Variants in ZNF148 observed in about 807,000 individuals in gnomAD.
ZNF148 encodes the protein Beta-Enolase Repressor Factor-1.
Under a neutral mutation model 67.7 loss-of-function variants are expected in ZNF148, and 7 were observed. The observed-to-expected ratio is 0.10, with a 90% CI of 0.06 to 0.19. ZNF148 has a LOEUF of 0.19. Among genes scored for constraint, ZNF148 ranks in the 10% least tolerant of loss-of-function variants. The pLI, the probability that ZNF148 is intolerant of heterozygous loss-of-function variation, is 1.00. For missense variants in ZNF148, 583 were observed against 947.1 expected (o/e 0.62, Z 5.05); for synonymous variants, 333 against 330.7 (o/e 1.01, Z -0.08).
intron 1 of ZNF148, among the ~76,000 whole-genome samples, chr3:125,362,614 G>T (rs1942580014): frequency 1.3e-5 from 2 of 151,560 alleles, no homozygotes; most frequent in South Asian, 4.1e-4. Context: ...GAGTGCAGTG[G>T]TTCAATACCA....
chr3:125,256,020 G>A (rs577249350), intron 7 of ZNF148, among the ~76,000 whole-genome samples: 7 of 151,662 alleles, frequency 4.6e-5, no homozygotes, highest in African/African-American at 1.7e-4. Flanking sequence ...GTTCTTTCTC[G>A]TATTTATCTG....
chr3:125,273,357 T>A (rs1579675549), intron 7 of ZNF148, among the ~76,000 whole-genome samples: 1 of 152,226 alleles, frequency 6.6e-6, no homozygotes, highest in East Asian at 1.9e-4. Flanking sequence ...TTCCAGTGTT[T>A]TTATATTTTT....
At chr3:125,277,153 T>C (rs1938119412) in intron 7 of ZNF148, among the ~76,000 whole-genome samples, 1 of 152,230 alleles carries the variant, frequency 6.6e-6, no homozygotes, top group Admixed American at 6.5e-5. Context: ...TTATAAAAGT[T>C]GGTTTTACCG....
chr3:125,226,543 A>C lies in ZNF148; in HGVS notation c.*5798T>G, dbSNP rs1935645074. ...ATGGCAAAGATAACTATATGACAAT[A>C]GTGTTGAAAGCCGTGAAACTCATTA... On this transcript the variant is annotated 3_prime_UTR_variant, in exon 9 of 9. Transcript: ENST00000360647. The C allele has an allele frequency of 6.6e-6, 1 of 152,660 alleles. No homozygotes were observed. Among genetic ancestry groups the C allele is most frequent in the South Asian group, 2.1e-4 (1 of 4,832 alleles). 9.5% of individuals were successfully genotyped at this position (152,660 alleles called of 1,614,324 possible). A position where few individuals can be genotyped will look rare whatever the true frequency, so the allele number is the denominator to read the frequency against.
rs1264430694 is a variant in ZNF148 at position 125,227,561 on chromosome 3, T to C, written c.*4780A>G. 2.0e-5 allele frequency: 3 copies of C among 152,596 alleles called. No homozygotes were observed. The highest frequency in any genetic ancestry group is 4.8e-5 in the African/African-American group (2 of 41,440). 9.5% of individuals were successfully genotyped at this position (152,596 alleles called of 1,614,324 possible). On this transcript the variant is annotated 3_prime_UTR_variant, in exon 9 of 9. Transcript: ENST00000360647. ...AGCACTACACAGTATGCCCTTGAAGTAAAATGAGGTTACCTGCTTTATTTG... is the reference window on the plus strand; with the variant it reads ...AGCACTACACAGTATGCCCTTGAAGCAAAATGAGGTTACCTGCTTTATTTG...
At chr3:125,247,337 T>C (rs995332481) in intron 7 of ZNF148, among the ~76,000 whole-genome samples, 1 of 152,168 alleles carries the variant, frequency 6.6e-6, no homozygotes. Context: ...TTTTTCTGGG[T>C]TTTCTTTTGC....
chr3:125,320,885 C>T (rs926928941), intron 3 of ZNF148, among the ~76,000 whole-genome samples: 1 of 152,086 alleles, frequency 6.6e-6, no homozygotes, highest in Admixed American at 6.5e-5. Flanking sequence ...TGTTTCTAAC[C>T]GTGAGAAATT....
At chr3:125,356,238 T>G (rs896021372) in intron 1 of ZNF148, among the ~76,000 whole-genome samples, 2 of 152,222 alleles carry the variant, frequency 1.3e-5, no homozygotes, top group Admixed American at 6.5e-5. Flanking sequence ...ACGTTCATTT[T>G]TTGGCTCAGC....
chr3:125,365,642 C>T (rs191543471), intron 1 of ZNF148, among the ~76,000 whole-genome samples: 30 of 152,130 alleles, frequency 2.0e-4, no homozygotes, highest in African/African-American at 7.2e-4. Flanking sequence ...CATGGTGAGA[C>T]CACATCTCTA....
At chr3:125,342,174 G>C (rs1023946257) in intron 1 of ZNF148, among the ~76,000 whole-genome samples, 30 of 150,446 alleles carry the variant, frequency 2.0e-4, no homozygotes, top group Admixed American at 1.1e-3. Flanking sequence ...GTTTCATAAA[G>C]AAGGAAGAAA....
At chr3:125,371,990 G>A (rs1942905768) in intron 1 of ZNF148, among the ~76,000 whole-genome samples, 1 of 150,916 alleles carries the variant, frequency 6.6e-6, no homozygotes, top group African/African-American at 2.4e-5. Flanking sequence ...CGTGAACCTG[G>A]GAGGCAGAGC....
At chr3:125,351,552 T>C (rs1942155090) in intron 1 of ZNF148, among the ~76,000 whole-genome samples, 1 of 152,156 alleles carries the variant, frequency 6.6e-6, no homozygotes, top group Non-Finnish European at 1.5e-5. Context: ...TATTATGTAT[T>C]TTTTATTACA....
intron 1 of ZNF148, among the ~76,000 whole-genome samples, chr3:125,336,645 A>AGTTT (rs1463155111): frequency 3.3e-5 from 5 of 150,238 alleles, no homozygotes; most frequent in Admixed American, 1.3e-4. Flanking sequence ...ATAACCAACC[A>AGTTT]ATAAACTCAA....
At chr3:125,279,889 A>G (rs1185272960) in intron 5 of ZNF148, among the ~76,000 whole-genome samples, 2 of 152,150 alleles carry the variant, frequency 1.3e-5, no homozygotes, top group Non-Finnish European at 2.9e-5. Context: ...TATAACCTTG[A>G]TTGTGATGGC....
chr3:125,344,410 A>G (rs1387462653), intron 1 of ZNF148: 2 of 721,302 alleles, frequency 2.8e-6, no homozygotes, highest in Non-Finnish European at 5.1e-6. Context: ...TGGCCTCCTC[A>G]GGGACCCCAT....
At position 125,232,329 on chromosome 3, in the gene ZNF148, T is replaced by C. The variant is rs950824491; in HGVS notation, c.*12A>G. The C allele has an allele frequency of 1.9e-4, 14 of 74,652 alleles. No individual in the cohort carries two copies. The African/African-American group carries it at 5.5e-3, about 29-fold the overall frequency. The allele number at this position is 74,652 out of a possible 1,614,324, so 4.6% of individuals were successfully genotyped here. ...CTAAAGTGCCAGTATTATTTACACT[T>C]TTTTTTTTTTTTTAGCCAAAAGTCT... On this transcript the variant is annotated 3_prime_UTR_variant, in exon 9 of 9. Coordinates refer to ENST00000360647, the MANE Select transcript of ZNF148 (RefSeq NM_021964.3). The surrounding 1 kb of genome is among the most constrained non-coding windows in gnomAD (Gnocchi z 4.2).
intron 1 of ZNF148, among the ~76,000 whole-genome samples, chr3:125,333,822 G>A (rs1318719251): frequency 2.6e-5 from 4 of 152,194 alleles, no homozygotes; most frequent in Admixed American, 1.3e-4. Flanking sequence ...TAGGTCACAA[G>A]TTTATGCCTA....
Position 125,337,623 on chromosome 3 carries a change from ATTCTGATAAAGTACT to A in ZNF148, c.-233-6400_-233-6386del, listed in dbSNP as rs371547599. Among the ~76,000 whole-genome samples, 820 of 152,332 alleles carry A rather than the reference ATTCTGATAAAGTACT, an allele frequency of 5.4e-3. 6 individuals carry two copies. The highest frequency in any genetic ancestry group is 0.019 in the African/African-American group (774 of 41,580). ...ATCTTCTCAAAGATGAAACCACCATATTCTGATAAAGTACTTTAGAGTTTACAAAGTGCTTTCACA... is the reference window on the plus strand; with the variant it reads ...ATCTTCTCAAAGATGAAACCACCATATTAGAGTTTACAAAGTGCTTTCACA... On this transcript the variant is annotated intron_variant, in intron 1 of 8. Transcript: ENST00000360647.
Position 125,321,618 on chromosome 3 carries a change from GA to G in ZNF148, c.-17+1690del, listed in dbSNP as rs374789585. On this transcript the variant is annotated intron_variant, in intron 3 of 8. Coordinates refer to ENST00000360647, the MANE Select transcript of ZNF148 (RefSeq NM_021964.3). Reference sequence around the variant, plus strand: ...GAAATACTAAAACATCAAATTTATGGAAATCCAAACAGTTTAAGAAACAGCT... The same window carrying G: ...GAAATACTAAAACATCAAATTTATGGAATCCAAACAGTTTAAGAAACAGCT... 9.9e-5 allele frequency among the ~76,000 whole-genome samples: 15 copies of G among 152,038 alleles called. No homozygotes were observed. The East Asian group carries it at 2.1e-3, about 21-fold the overall frequency.
Sources: allele counts gnomAD v4.1 joint callset (sites outside exome capture counted in the v4.1 genomes callset), GRCh38; gene constraint gnomAD v4.1.1; non-coding constraint Gnocchi (gnomAD v3.1); transcripts MANE v1.5; gene names NCBI Gene and HGNC (gene_info 2026-07-23, HGNC 2026-07-21).